ZNF718: variants seen among roughly 807,000 people sequenced by gnomAD.
ZNF718 encodes zinc finger protein 718.
In ZNF718, 3 loss-of-function variants were observed where a neutral mutation model predicts 2.6. The ratio of observed to expected loss-of-function variants is 1.16; its 90% CI spans 0.53 to 3.01. ZNF718 has a LOEUF of 3.01. ZNF718 is among the 30% of genes most tolerant of loss of function. The probability of loss-of-function intolerance (pLI) is 0.03; values close to 1 mark genes in which losing one functional copy is unlikely to be tolerated. For synonymous variants in ZNF718, 135 were observed against 77.9 expected, an observed-to-expected ratio of 1.73 and a Z score of -3.86; for missense variants, 468 against 230.0, an observed-to-expected ratio of 2.03 and a Z score of -6.69.
At position 140,754 on chromosome 4, in the gene ZNF718, A is replaced by C. The variant is rs531277324; in HGVS notation, c.226+9249A>C. On this transcript the variant is annotated intron_variant, in intron 3 of 3. Transcript: ENST00000510175. ...TACATGTCTAGATGTCTTTATTTGC[A>C]TGTACACTTACTGTTATATGTTATG... Among the ~76,000 whole-genome samples the C allele has an allele frequency of 5.3e-5, 8 of 152,316 alleles. No homozygotes were observed. The South Asian group carries it at 1.7e-3, about 32-fold the overall frequency.
intron 3 of ZNF718, among the ~76,000 whole-genome samples, chr4:139,352 T>G (rs2108785598): frequency 6.6e-6 from 1 of 152,322 alleles, no homozygotes; most frequent in Admixed American, 6.5e-5. Flanking sequence ...ATATTCAGTT[T>G]TTGTAACACA....
At chr4:168,538 T>C (rs1184583339), downstream of ZNF718, among the ~76,000 whole-genome samples, 4 of 152,208 alleles carry the variant, frequency 2.6e-5, no homozygotes, top group African/African-American at 9.6e-5. Flanking sequence ...GAGCCTGTTA[T>C]TGGTCTATTC....
rs1341836420 is a variant in ZNF718 at position 128,780 on chromosome 4, A to G, written c.4-2008A>G. On this transcript the variant is annotated intron_variant, in intron 1 of 3. Transcript: ENST00000510175. ...TCATGCAGGGTTTGTTCCTCCCCTC[A>G]CAGAAAGAATCTCCTTGGTTTGTAC... Among the ~76,000 whole-genome samples the G allele has an allele frequency of 2.9e-5, 3 of 104,058 alleles. No homozygotes were observed. In the Admixed American group the frequency reaches 3.1e-4, roughly 11 times the overall value. The allele number at this position is 104,058 out of a possible 152,430, so 68.3% of individuals were successfully genotyped here.
Position 131,545 on chromosome 4 carries a change from G to T in ZNF718, c.226+40G>T. The T allele has an allele frequency of 5.5e-6, 2 of 363,674 alleles. 1 individual carries two copies. The highest frequency in any genetic ancestry group is 1.1e-4 in the South Asian group (2 of 17,670). The allele number at this position is 363,674 out of a possible 1,614,324, so 22.5% of individuals were successfully genotyped here. A position where few individuals can be genotyped will look rare whatever the true frequency, so the allele number is the denominator to read the frequency against. ...ATGGAGGAGAGGACACAGACAAGGA[G>T]GCCAAAAGTCAAGAAGGAAGCCAGG... On this transcript the variant is annotated intron_variant, in intron 3 of 3. Coordinates refer to ENST00000510175, the MANE Select transcript of ZNF718 (RefSeq NM_001039127.6).
rs1469759720 is a variant in ZNF718 at position 161,572 on chromosome 4, C to CA, written c.888dup (p.Ser297IlefsTer3). 1.3e-6 allele frequency: 1 copy of CA among 780,848 alleles called. No homozygotes were observed. Among genetic ancestry groups the CA allele is most frequent in the Non-Finnish European group, 2.4e-6 (1 of 418,060 alleles). 48.4% of individuals were successfully genotyped at this position (780,848 alleles called of 1,614,324 possible). On this transcript the variant is annotated frameshift_variant, in exon 4 of 4. Coordinates refer to ENST00000510175, the MANE Select transcript of ZNF718 (RefSeq NM_001039127.6). LOFTEE classifies it low-confidence loss of function (END_TRUNC). ...TGTGGTAAAGCCTTTAAGTGGTCCT[C>CA]ATCCCTTAATGAACATAAGAGAATT... is the stretch of plus-strand genomic sequence containing the variant.
intron 3 of ZNF718, among the ~76,000 whole-genome samples, chr4:146,220 T>C (rs1553811286): frequency 6.6e-6 from 1 of 151,988 alleles, no homozygotes; most frequent in South Asian, 2.1e-4. Flanking sequence ...GATTATAAAT[T>C]CCCTCAACTT....
intron 3 of ZNF718, among the ~76,000 whole-genome samples, chr4:193,499 A>G (rs1422370625): frequency 1.3e-5 from 2 of 152,080 alleles, no homozygotes; most frequent in African/African-American, 2.4e-5. Context: ...GGCTTTTGCT[A>G]GGATGTCTCT....
intron 3 of ZNF718, among the ~76,000 whole-genome samples, chr4:177,580 C>A (rs1187787031): frequency 6.6e-6 from 1 of 152,122 alleles, no homozygotes; most frequent in Non-Finnish European, 1.5e-5. Context: ...ATCTACTAAC[C>A]AGATTTGTTC....
At position 162,390 on chromosome 4, in the gene ZNF718, C is replaced by A; in HGVS notation, c.*268C>A. On this transcript the variant is annotated 3_prime_UTR_variant, in exon 4 of 4. Coordinates refer to ENST00000510175, the MANE Select transcript of ZNF718 (RefSeq NM_001039127.6). Reference sequence around the variant, plus strand: ...ATTAAAAGTGTGGCAAAACCTTTAACCAATGCTCATATCTCTTTGCACATG... The same window carrying A: ...ATTAAAAGTGTGGCAAAACCTTTAAACAATGCTCATATCTCTTTGCACATG... 1 of 324,402 alleles carries A rather than the reference C, an allele frequency of 3.1e-6. No homozygotes were observed. The highest frequency in any genetic ancestry group is 5.6e-6 in the Non-Finnish European group (1 of 177,888). The allele number at this position is 324,402 out of a possible 1,614,324, so 20.1% of individuals were successfully genotyped here.
At chr4:196,027 C>T (rs150211685) in intron 3 of ZNF718, among the ~76,000 whole-genome samples, 72 of 152,044 alleles carry the variant, frequency 4.7e-4, no homozygotes, top group Middle Eastern at 6.8e-3. Context: ...TCCCCTCTCT[C>T]TCTCCCTCTC....
In ZNF718 at chr4:132,675, C is replaced by T. The variant is rs1265796628; in HGVS notation, c.226+1170C>T. 9.6e-5 allele frequency among the ~76,000 whole-genome samples: 10 copies of T among 103,930 alleles called. 3 individuals are homozygous for T. Among genetic ancestry groups the T allele is most frequent in the Non-Finnish European group, 1.9e-4 (9 of 46,680 alleles). 68.2% of individuals were successfully genotyped at this position (103,930 alleles called of 152,430 possible). ...AAATGTAATTCTACAAAAATTCTTA[C>T]TCAGCAATTTTATCAGAACAATAAG... On this transcript the variant is annotated intron_variant, in intron 3 of 3. Coordinates refer to ENST00000510175, the MANE Select transcript of ZNF718 (RefSeq NM_001039127.6).
At chr4:135,883 C>T (rs996506404) in intron 3 of ZNF718, among the ~76,000 whole-genome samples, 3 of 151,874 alleles carry the variant, frequency 2.0e-5, no homozygotes, top group Non-Finnish European at 4.4e-5. Context: ...GCCCTGGAGG[C>T]AGGCCTGCAG....
Position 143,814 on chromosome 4 carries a change from T to A in ZNF718, c.226+12309T>A, listed in dbSNP as rs901262017. 2.0e-5 allele frequency among the ~76,000 whole-genome samples: 3 copies of A among 152,016 alleles called. No individual in the cohort carries two copies. The South Asian group carries it at 6.2e-4, about 31-fold the overall frequency. ...CTGGCCATCAAGAAACTACCCTGCC[T>A]CCACTAGACAGAACAGGGCGAGAGT... On this transcript the variant is annotated intron_variant, in intron 3 of 3. Coordinates refer to ENST00000510175, the MANE Select transcript of ZNF718 (RefSeq NM_001039127.6).
intron 3 of ZNF718, among the ~76,000 whole-genome samples, chr4:176,356 C>T (rs1190788062): frequency 8.5e-5 from 13 of 152,122 alleles, no homozygotes; most frequent in African/African-American, 3.1e-4. Flanking sequence ...GCTAAAGAGG[C>T]CTTTGAAGAT....
intron 3 of ZNF718, among the ~76,000 whole-genome samples, chr4:181,217 G>A (rs1553819781): frequency 7.1e-6 from 1 of 140,430 alleles, no homozygotes; most frequent in Non-Finnish European, 1.5e-5. Flanking sequence ...TGTTGCCCAG[G>A]GTGGTCTCAA....
chr4:165,411 G>A (rs1358572817), downstream of ZNF718, among the ~76,000 whole-genome samples: 2 of 152,140 alleles, frequency 1.3e-5, no homozygotes, highest in Admixed American at 6.6e-5. Context: ...AGCTAGAATA[G>A]GTAAAGCATC....
chr4:171,529 A>G (rs77466883), intron 3 of ZNF718, among the ~76,000 whole-genome samples: 1 of 151,874 alleles, frequency 6.6e-6, no homozygotes, highest in Non-Finnish European at 1.5e-5. Context: ...TTACCCCCTC[A>G]AGCCTCGGCA....
Position 161,136 on chromosome 4 carries a change from G to T in ZNF718, c.451G>T (p.Val151Phe), listed in dbSNP as rs1553814929. 1.3e-6 allele frequency: 1 copy of T among 757,004 alleles called. No individual in the cohort carries two copies. The highest frequency in any genetic ancestry group is 2.5e-6 in the Non-Finnish European group (1 of 405,782). The allele number at this position is 757,004 out of a possible 1,614,324, so 46.9% of individuals were successfully genotyped here. Residue 151 changes from valine (V) to phenylalanine (F), a missense_variant, in exon 4 of 4, where the codon GTT (valine) becomes TTT (phenylalanine). By Grantham distance (50) the Val-to-Phe change is conservative (BLOSUM62 -1). Transcript: ENST00000510175. ...KTIQSNICVK[V>F]FHKFSNSNKD... is the part of the protein sequence containing the mutation. ...AATTCAATCTAATATATGTGTCAAA[G>T]TTTTTCATAAATTTTCAAATTCAAA...
At chr4:151,620 A>G (rs1282224278) in intron 3 of ZNF718, among the ~76,000 whole-genome samples, 1 of 152,054 alleles carries the variant, frequency 6.6e-6, no homozygotes. Context: ...AGCTGGGACT[A>G]CAGGTGCCCA....
Sources: allele counts gnomAD v4.1 joint callset (sites outside exome capture counted in the v4.1 genomes callset), GRCh38; gene constraint gnomAD v4.1.1; transcripts MANE v1.5; gene names NCBI Gene and HGNC (gene_info 2026-07-23, HGNC 2026-07-21).